VAV3: variants seen among roughly 807,000 people sequenced by gnomAD.
VAV3 encodes guanine nucleotide exchange factor VAV3.
Under a neutral mutation model 131.2 loss-of-function variants are expected in VAV3, and 94 were observed. The ratio of observed to expected loss-of-function variants is 0.72; its 90% CI spans 0.61 to 0.85. VAV3 has a LOEUF of 0.85. Among genes scored for constraint, VAV3 ranks in the 40% least tolerant of loss-of-function variants. The pLI is 0.00. For synonymous variants in VAV3, 349 were observed against 342.0 expected, an observed-to-expected ratio of 1.02 and a Z score of -0.22; for missense variants, 939 against 1,002.7, an observed-to-expected ratio of 0.94 and a Z score of 0.86.
At chr1:107,699,571 A>T (rs1485362981) in intron 17 of VAV3, among the ~76,000 whole-genome samples, 1 of 151,822 alleles carries the variant, frequency 6.6e-6, no homozygotes, top group Non-Finnish European at 1.5e-5. Flanking sequence ...GGCAGTGGGG[A>T]CTCTGTGTGG....
chr1:107,581,205 C>T (rs149961443), intron 25 of VAV3, among the ~76,000 whole-genome samples: 55 of 152,308 alleles, frequency 3.6e-4, no homozygotes, highest in African/African-American at 1.3e-3. Context: ...CTTCGTTTAA[C>T]GGCATAACTT....
rs1664164841 is a variant in VAV3, at chr1:107,757,273, A to C, written c.1074T>G (p.Leu358=). The change falls in exon 11 of 27, where the codon CTT becomes CTG. Residue 358 remains leucine (L), a synonymous_variant. Coordinates refer to ENST00000370056, the MANE Select transcript of VAV3 (RefSeq NM_006113.5). ...PTEKANLKLA[L]DAMKDLAQYV... The stretch of plus-strand genomic sequence containing the variant: ...GAATCTGCCCTACCTTCATGGCATC[A>C]AGAGCCAGTTTCAGATTTGCCTTCT... 1 of 1,613,240 alleles carries C rather than the reference A, an allele frequency of 6.2e-7. No individual in the cohort carries two copies. Among genetic ancestry groups the C allele is most frequent in the South Asian group, 1.1e-5 (1 of 90,946 alleles).
intron 15 of VAV3, among the ~76,000 whole-genome samples, chr1:107,726,968 T>A (rs1661882293): frequency 1.3e-5 from 2 of 152,052 alleles, no homozygotes; most frequent in South Asian, 2.1e-4. Context: ...TGAGTAATAA[T>A]CATCTAACAT....
At chr1:107,574,002 T>A (rs755460444) in intron 26 of VAV3, 45 bp downstream of exon 26, 1 of 1,603,812 alleles carries the variant, frequency 6.2e-7, no homozygotes, top group Non-Finnish European at 8.5e-7. Context: ...AACTGCTCAG[T>A]CCCCTTCTTT....
At chr1:107,756,916 G>C (rs1293659782) in intron 11 of VAV3, among the ~76,000 whole-genome samples, 1 of 151,838 alleles carries the variant, frequency 6.6e-6, no homozygotes, top group Non-Finnish European at 1.5e-5. Flanking sequence ...AAAAAAATAT[G>C]ATATTAAATA....
At chr1:107,844,183 G>A (rs1241052307) in intron 2 of VAV3, among the ~76,000 whole-genome samples, 1 of 151,906 alleles carries the variant, frequency 6.6e-6, no homozygotes, top group East Asian at 2.0e-4. Flanking sequence ...GCAGAAGCAG[G>A]GTGGGGCATT....
At chr1:107,940,237 C>G (rs929245546) in intron 1 of VAV3, among the ~76,000 whole-genome samples, 1 of 152,118 alleles carries the variant, frequency 6.6e-6, no homozygotes, top group Non-Finnish European at 1.5e-5. Context: ...GTTGAGTCAA[C>G]GTTATCTCAA....
intron 1 of VAV3, among the ~76,000 whole-genome samples, chr1:107,958,165 G>C (rs1021250727): frequency 4.6e-5 from 7 of 152,198 alleles, no homozygotes; most frequent in Non-Finnish European, 1.0e-4. Context: ...TGACTTCTGA[G>C]AAGACTAAGG....
chr1:107,792,979 T>TA (rs1666366696), intron 2 of VAV3, among the ~76,000 whole-genome samples: 1 of 152,154 alleles, frequency 6.6e-6, no homozygotes, highest in Non-Finnish European at 1.5e-5. Context: ...TTTATCAGTA[T>TA]AAATATTTAT....
intron 1 of VAV3, among the ~76,000 whole-genome samples, chr1:107,883,075 T>A (rs535813048): frequency 1.3e-5 from 2 of 152,312 alleles, no homozygotes; most frequent in East Asian, 3.9e-4. Context: ...TCATTTCTAA[T>A]GGGTAATTTT....
At chr1:107,883,452 T>C (rs1670877215) in intron 1 of VAV3, among the ~76,000 whole-genome samples, 1 of 152,200 alleles carries the variant, frequency 6.6e-6, no homozygotes, top group Non-Finnish European at 1.5e-5. Context: ...AGTTTATCTC[T>C]AGGAAAAATT....
intron 1 of VAV3, among the ~76,000 whole-genome samples, chr1:107,924,301 T>C (rs1283348661): frequency 3.9e-5 from 6 of 152,078 alleles, no homozygotes; most frequent in Non-Finnish European, 8.8e-5. Context: ...TACAAATCAA[T>C]TGTTATAAAT....
intron 1 of VAV3, among the ~76,000 whole-genome samples, chr1:107,912,637 A>C (rs1411664591): frequency 1.3e-5 from 2 of 152,164 alleles, no homozygotes; most frequent in African/African-American, 4.8e-5. Context: ...CTTCACAAAT[A>C]TTAAGCACCA....
At chr1:107,729,719 T>C (rs982957932) in intron 15 of VAV3, among the ~76,000 whole-genome samples, 4 of 152,188 alleles carry the variant, frequency 2.6e-5, no homozygotes, top group South Asian at 4.1e-4. Context: ...AAGCATAGCA[T>C]TGTGCTTGGA....
intron 15 of VAV3, among the ~76,000 whole-genome samples, chr1:107,729,471 A>C (rs956895230): frequency 6.6e-6 from 1 of 152,210 alleles, no homozygotes; most frequent in Non-Finnish European, 1.5e-5. Flanking sequence ...TTAAAAAAAA[A>C]CATGAGTTTT....
chr1:107,750,332 T>C (rs546625633), intron 13 of VAV3, among the ~76,000 whole-genome samples: 1 of 152,370 alleles, frequency 6.6e-6, no homozygotes, highest in Admixed American at 6.5e-5. Context: ...TTTTTTCTTA[T>C]TAAGAACAAC....
At chr1:107,874,445 A>G (rs1462127216) in intron 2 of VAV3, among the ~76,000 whole-genome samples, 1 of 152,194 alleles carries the variant, frequency 6.6e-6, no homozygotes, top group Non-Finnish European at 1.5e-5. Flanking sequence ...ATCAAAATAG[A>G]GAAAAGGACA....
At chr1:107,793,090 C>A (rs547685641) in intron 2 of VAV3, among the ~76,000 whole-genome samples, 1 of 152,298 alleles carries the variant, frequency 6.6e-6, no homozygotes, top group South Asian at 2.1e-4. Context: ...ATACCAGAAT[C>A]TGTGCTGAGC....
rs1553194423 is a variant in VAV3 at position 107,720,428 on chromosome 1, T to TA, written c.1503-15368dup. 6.1e-3 allele frequency among the ~76,000 whole-genome samples: 697 copies of TA among 114,654 alleles called. 7 individuals carry two copies. The highest frequency in any genetic ancestry group is 0.039 in the South Asian group (133 of 3,420). The allele number at this position is 114,654 out of a possible 152,430, so 75.2% of individuals were successfully genotyped here. Reference sequence around the variant, plus strand: ...ATAAATAAATAAATAAATAAATAAATAAAAGTTCCATCTGTTAATATTGCT... The same window carrying TA: ...ATAAATAAATAAATAAATAAATAAATAAAAAGTTCCATCTGTTAATATTGCT... On this transcript the variant is annotated intron_variant, in intron 15 of 26. Transcript: ENST00000370056.
Sources: gnomAD v4.1 joint callset for allele counts (sites outside exome capture counted in the v4.1 genomes callset) on GRCh38, gnomAD v4.1.1 for gene constraint, MANE v1.5 for transcripts, NCBI Gene and HGNC (gene_info 2026-07-23, HGNC 2026-07-21) for gene names.